EFCAB7: variants seen among roughly 807,000 people sequenced by gnomAD.
EFCAB7 encodes the protein EF-hand calcium-binding domain-containing protein 7.
Under a neutral mutation model 77.1 loss-of-function variants are expected in EFCAB7, and 66 were observed. The observed-to-expected ratio is 0.86, with a 90% CI of 0.70 to 1.05. The LOEUF (loss-of-function observed/expected upper bound fraction) is 1.05. Ranked by LOEUF, EFCAB7 falls within the 50% of genes least tolerant of loss-of-function variation. The pLI, the probability that EFCAB7 is intolerant of heterozygous loss-of-function variation, is 0.00. For missense variants in EFCAB7, 638 were observed against 730.5 expected (o/e 0.87, Z 1.46); for synonymous variants, 225 against 243.3 (o/e 0.92, Z 0.70).
At chr1:63,534,341 T>A in intron 6 of EFCAB7, 125 bp downstream of exon 6, 1 of 754,518 alleles carries the variant, frequency 1.3e-6, no homozygotes, top group African/African-American at 1.8e-5. Flanking sequence ...TTTTTCTGTG[T>A]AATTTCTACC....
chr1:63,577,370 A>G (rs76759015), downstream of EFCAB7, among the ~76,000 whole-genome samples: 3,252 of 152,308 alleles, frequency 0.021, 120 homozygotes, highest in African/African-American at 0.074. Context: ...AGCAAGTTAA[A>G]TTCAAGGCCA....
intron 8 of EFCAB7, among the ~76,000 whole-genome samples, chr1:63,554,180 G>A (rs1646999538): frequency 1.3e-5 from 2 of 152,084 alleles, no homozygotes. Context: ...ATTCTCTTGG[G>A]TTAGTCTGTG....
chr1:63,579,260 A>G, the EFCAB7 span, among the ~76,000 whole-genome samples: 1 of 152,192 alleles, frequency 6.6e-6, no homozygotes, highest in Admixed American at 6.5e-5. Flanking sequence ...GGAAACCACT[A>G]TTCTATTCTC....
chr1:63,532,405 T>A (rs1646709090), intron 3 of EFCAB7, among the ~76,000 whole-genome samples: 1 of 152,054 alleles, frequency 6.6e-6, no homozygotes, highest in African/African-American at 2.4e-5. Flanking sequence ...CTAAACTCAA[T>A]AGCAGTTATA....
At position 63,572,295 on chromosome 1, in the gene EFCAB7, C is replaced by T. The variant is rs1441692762; in HGVS notation, c.1816-147C>T. 5 of 545,738 alleles carry T rather than the reference C, an allele frequency of 9.2e-6. No individual in the cohort carries two copies. In the African/African-American group the frequency reaches 1.0e-4, roughly 11 times the overall value. 33.8% of individuals were successfully genotyped at this position (545,738 alleles called of 1,614,324 possible). On this transcript the variant is annotated intron_variant, in intron 13 of 13. Transcript: ENST00000371088. The stretch of plus-strand genomic sequence containing the variant: ...CTGTTAGACCTCAGATCATAGATTG[C>T]TAGTCTCTGCTAAGGACAAATATTG...
At chr1:63,554,864 G>C (rs1647011406) in intron 8 of EFCAB7, among the ~76,000 whole-genome samples, 1 of 151,974 alleles carries the variant, frequency 6.6e-6, no homozygotes, top group African/African-American at 2.4e-5. Context: ...TATACAAATA[G>C]TAAACCATTT....
chr1:63,536,181 T>C (rs865944544), intron 6 of EFCAB7, among the ~76,000 whole-genome samples: 1 of 152,336 alleles, frequency 6.6e-6, no homozygotes, highest in South Asian at 2.1e-4. Flanking sequence ...GTGAGTTTCA[T>C]ATAAAATGTA....
rs1245020942 is a variant in EFCAB7 at position 63,533,631 on chromosome 1, G to A, written c.664G>A (p.Glu222Lys). 6.3e-7 allele frequency: 1 copy of A among 1,576,466 alleles called. No homozygotes were observed. The highest frequency in any genetic ancestry group is 8.6e-7 in the Non-Finnish European group (1 of 1,166,218). ...TAAAATCACAAGAAAAACTGATCCAGAAACATTCTTAAATAAAGGTATTTA... is the reference window on the plus strand; with the variant it reads ...TAAAATCACAAGAAAAACTGATCCAAAAACATTCTTAAATAAAGGTATTTA... The part of the protein sequence containing the change: ...SPKITRKTDP[E>K]TFLNKGDTRS... Residue 222 changes from glutamate to lysine, a missense_variant, in exon 5 of 14, where the codon GAA becomes AAA. Glu to Lys is a moderately conservative substitution (Grantham distance 56). Transcript: ENST00000371088.
intron 11 of EFCAB7, among the ~76,000 whole-genome samples, chr1:63,564,427 A>G (rs1208748920): frequency 6.6e-6 from 1 of 152,176 alleles, no homozygotes; most frequent in African/African-American, 2.4e-5. Flanking sequence ...TAGTCAAGTC[A>G]AGAGCCAATT....
intron 7 of EFCAB7, among the ~76,000 whole-genome samples, chr1:63,551,497 A>C (rs35517033): frequency 1.3e-5 from 2 of 152,098 alleles, no homozygotes; most frequent in Non-Finnish European, 2.9e-5. Context: ...AGGCTGAAGC[A>C]GGAGAATCGC....
intron 6 of EFCAB7, among the ~76,000 whole-genome samples, chr1:63,539,776 T>C (rs1646806270): frequency 6.6e-6 from 1 of 152,226 alleles, no homozygotes; most frequent in African/African-American, 2.4e-5. Context: ...ATATATTGGA[T>C]GAAATTCCAT....
the EFCAB7 span, among the ~76,000 whole-genome samples, chr1:63,579,945 ATTCT>A: frequency 2.0e-5 from 3 of 152,062 alleles, no homozygotes; most frequent in Admixed American, 6.5e-5. Flanking sequence ...TTACCATTTG[ATTCT>A]TTATAAATTC....
At position 63,571,035 on chromosome 1, in the gene EFCAB7, G is replaced by A. The variant is rs1405653383; in HGVS notation, c.1722G>A (p.Val574=). 5 of 1,606,142 alleles carry A rather than the reference G, an allele frequency of 3.1e-6. No individual in the cohort carries two copies. The highest frequency in any genetic ancestry group is 4.3e-6 in the Non-Finnish European group (5 of 1,176,432). ...TTTTTTAATAGTCAGATGAGAAAGT[G>A]ATTATTCACATCAGCAATGAGCTAA... ...SVIENKSDEK[V]IIHISNELSK... Residue 574 remains valine (V), a synonymous_variant, in exon 13 of 14, where the codon GTG becomes GTA. Transcript: ENST00000371088.
At chr1:63,532,624 G>A (rs746118162) in intron 3 of EFCAB7, 46 bp from the exon 4 acceptor site, 4 of 1,465,470 alleles carry the variant, frequency 2.7e-6, no homozygotes, top group Non-Finnish European at 3.7e-6. Context: ...GAATAACAAA[G>A]GAGTAATCAT....
In EFCAB7 at chr1:63,531,983, T is replaced by C. The variant is rs1247987600; in HGVS notation, c.351T>C (p.Asn117=). The change falls in exon 3 of 14, where the codon AAT becomes AAC. Residue 117 remains asparagine (N), a synonymous_variant. Transcript: ENST00000371088. ...AATCATTTAAGCAATTAGATGTAAATGATGATGGCTGTATTTTACACACTG... is the reference window on the plus strand; with the variant it reads ...AATCATTTAAGCAATTAGATGTAAACGATGATGGCTGTATTTTACACACTG... The part of the protein sequence containing the change: ...LLKSFKQLDV[N]DDGCILHTDL... 13 of 1,612,296 alleles carry C rather than the reference T, an allele frequency of 8.1e-6. No homozygotes were observed. Among genetic ancestry groups the C allele is most frequent in the Non-Finnish European group, 1.1e-5 (13 of 1,178,886 alleles).
Position 63,562,526 on chromosome 1 carries a change from G to T in EFCAB7, c.1497+669G>T, listed in dbSNP as rs1438849914. 2.4e-5 allele frequency among the ~76,000 whole-genome samples: 3 copies of T among 127,534 alleles called. No individual in the cohort carries two copies. In the Admixed American group the frequency reaches 2.6e-4, roughly 11 times the overall value. The allele number at this position is 127,534 out of a possible 152,430, so 83.7% of individuals were successfully genotyped here. On this transcript the variant is annotated intron_variant, in intron 11 of 13. Transcript: ENST00000371088. ...TTTTTTTTTTTTAATTTGAGACAAGGTCTTACTCTGTCACCCTGGCTGGAG... is the reference window on the plus strand; with the variant it reads ...TTTTTTTTTTTTAATTTGAGACAAGTTCTTACTCTGTCACCCTGGCTGGAG...
intron 4 of EFCAB7, among the ~76,000 whole-genome samples, chr1:63,533,161 T>C (rs553279259): frequency 5.3e-5 from 8 of 152,274 alleles, no homozygotes; most frequent in African/African-American, 1.9e-4. Context: ...ATAAAAATTA[T>C]TTTGAACAAA....
At chr1:63,557,741 A>C (rs1439432520) in intron 10 of EFCAB7, among the ~76,000 whole-genome samples, 1 of 152,256 alleles carries the variant, frequency 6.6e-6, no homozygotes, top group Non-Finnish European at 1.5e-5. Context: ...AAAAATGCCA[A>C]GATGGACAAA....
rs1647075350 is a variant in EFCAB7, at chr1:63,559,933, A to G, written c.1349-1776A>G. Among the ~76,000 whole-genome samples the G allele has an allele frequency of 2.0e-5, 3 of 151,016 alleles. No individual in the cohort carries two copies. In the South Asian group the frequency reaches 6.3e-4, roughly 32 times the overall value. ...ACTGTCTTGATTGCTGTGGCTTTAT[A>G]GTAAGTCTTGGAGTCAAGTGTTAAT... On this transcript the variant is annotated intron_variant, in intron 10 of 13. Coordinates refer to ENST00000371088, the MANE Select transcript of EFCAB7 (RefSeq NM_032437.4).
Sources: gnomAD v4.1 joint callset for allele counts (sites outside exome capture counted in the v4.1 genomes callset) on GRCh38, gnomAD v4.1.1 for gene constraint, MANE v1.5 for transcripts, NCBI Gene and HGNC (gene_info 2026-07-23, HGNC 2026-07-21) for gene names.